EMC8: variants seen among roughly 807,000 people sequenced by gnomAD.
EMC8 encodes ER membrane protein complex subunit 8.
EMC8 carries 11 observed loss-of-function variants against 24.3 expected under a neutral mutation model. That is an observed-to-expected ratio of 0.45 (90% CI 0.28 to 0.75). The LOEUF is 0.75. Ranked by LOEUF, EMC8 falls within the 30% of genes least tolerant of loss-of-function variation. EMC8 has a pLI of 0.12. For synonymous variants in EMC8, 145 were observed against 117.7 expected (o/e 1.23, Z -1.50); for missense variants, 277 against 282.7 (o/e 0.98, Z 0.14).
chr16:85,794,710 T>C (rs1905174498), intron 1 of EMC8, among the ~76,000 whole-genome samples: 1 of 152,096 alleles, frequency 6.6e-6, no homozygotes, highest in African/African-American at 2.4e-5. Context: ...TATAAATAAC[T>C]ATTGCCTGGC....
At chr16:85,795,708 A>C (rs1905220877) in intron 1 of EMC8, among the ~76,000 whole-genome samples, 1 of 152,124 alleles carries the variant, frequency 6.6e-6, no homozygotes, top group Non-Finnish European at 1.5e-5. Flanking sequence ...CTGTATAATA[A>C]ACCCATAAAC....
chr16:85,786,029 CACT>C (rs946756380), intron 2 of EMC8, among the ~76,000 whole-genome samples: 6 of 152,288 alleles, frequency 3.9e-5, no homozygotes, highest in Admixed American at 3.3e-4. Context: ...AAGTTATAAA[CACT>C]ACGTTAGAAC....
At chr16:85,790,131 A>C (rs1006528881) in intron 1 of EMC8, among the ~76,000 whole-genome samples, 2 of 152,102 alleles carry the variant, frequency 1.3e-5, no homozygotes, top group Non-Finnish European at 2.9e-5. Context: ...GCACAAGAGG[A>C]AACAAAATTG....
At chr16:85,792,940 G>A (rs1264152279) in intron 1 of EMC8, 1 of 152,218 alleles carries the variant, frequency 6.6e-6, no homozygotes, top group Non-Finnish European at 1.5e-5. Context: ...ACTCTGTGGA[G>A]ACTGTTGTCA....
In EMC8 at chr16:85,781,614, C is replaced by CTTTT. The variant is rs10673082; in HGVS notation, c.309-338_309-335dup. 1.2e-3 allele frequency: 154 copies of CTTTT among 129,822 alleles called. 3 individuals are homozygous for CTTTT. The highest frequency in any genetic ancestry group is 4.6e-3 in the Middle Eastern group (1 of 216). The allele number at this position is 129,822 out of a possible 1,614,324, so 8.0% of individuals were successfully genotyped here. Reference sequence around the variant, plus strand: ...AGTTACTTTTTAGTGTTTTTTTTTGCTTTTTTTTTTTTTTTTTGGTAGAGA... The same window carrying CTTTT: ...AGTTACTTTTTAGTGTTTTTTTTTGCTTTTTTTTTTTTTTTTTTTTTGGTAGAGA... On this transcript the variant is annotated intron_variant, in intron 2 of 4. Transcript: ENST00000253457.
intron 1 of EMC8, among the ~76,000 whole-genome samples, chr16:85,792,087 G>C (rs1013681066): frequency 6.6e-6 from 1 of 152,130 alleles, no homozygotes; most frequent in African/African-American, 2.4e-5. Context: ...TCTCTTTCCT[G>C]GGCTGAAGCC....
At position 85,789,724 on chromosome 16, in the gene EMC8, G is replaced by T. The variant is rs563532788; in HGVS notation, c.232-674C>A. ...GGAGAATCACTTGAACCCCAGAGGGGGAGGTTGCAGTGAGCCAAGATCATG... is the reference window on the plus strand; with the variant it reads ...GGAGAATCACTTGAACCCCAGAGGGTGAGGTTGCAGTGAGCCAAGATCATG... On this transcript the variant is annotated intron_variant, in intron 1 of 4. Coordinates refer to ENST00000253457, the MANE Select transcript of EMC8 (RefSeq NM_006067.5). 5.9e-5 allele frequency among the ~76,000 whole-genome samples: 9 copies of T among 152,004 alleles called. No individual in the cohort carries two copies. In the South Asian group the frequency reaches 6.2e-4, roughly 11 times the overall value.
intron 2 of EMC8, among the ~76,000 whole-genome samples, chr16:85,784,024 A>G (rs192771567): frequency 2.1e-3 from 323 of 151,754 alleles, no homozygotes; most frequent in Non-Finnish European, 3.7e-3. Context: ...TTTGAGATGG[A>G]GTCTCACTCT....
At chr16:85,790,615 G>A (rs1597206234) in intron 1 of EMC8, among the ~76,000 whole-genome samples, 1 of 152,192 alleles carries the variant, frequency 6.6e-6, no homozygotes, top group Admixed American at 6.5e-5. Flanking sequence ...GTTCCCTGAT[G>A]AGCTGATCCT....
chr16:85,791,140 G>C (rs1448160592), intron 1 of EMC8, among the ~76,000 whole-genome samples: 2 of 151,586 alleles, frequency 1.3e-5, no homozygotes, highest in African/African-American at 2.4e-5. Flanking sequence ...TTTTTTTTAA[G>C]GCAAGAAATA....
intron 2 of EMC8, chr16:85,784,615 C>A (rs1904664695): frequency 6.6e-6 from 1 of 151,596 alleles, no homozygotes; most frequent in Non-Finnish European, 1.5e-5. Context: ...GCGATGGTGG[C>A]TCCTAGCGCA....
chr16:85,786,904 G>A (rs752865278), intron 2 of EMC8, among the ~76,000 whole-genome samples: 2 of 152,160 alleles, frequency 1.3e-5, no homozygotes, highest in Non-Finnish European at 2.9e-5. Context: ...CATGTGGGGC[G>A]ACCACATCAG....
At chr16:85,788,049 G>A (rs1904833628) in intron 2 of EMC8, among the ~76,000 whole-genome samples, 1 of 152,204 alleles carries the variant, frequency 6.6e-6, no homozygotes, top group Non-Finnish European at 1.5e-5. Context: ...GGCTCTATCT[G>A]ACAACATGAG....
At chr16:85,793,092 T>G (rs930434281) in intron 1 of EMC8, among the ~76,000 whole-genome samples, 1 of 152,224 alleles carries the variant, frequency 6.6e-6, no homozygotes, top group Non-Finnish European at 1.5e-5. Context: ...TTTGGCTGCT[T>G]CTGTTCCAGA....
intron 1 of EMC8, among the ~76,000 whole-genome samples, chr16:85,793,895 T>C (rs551320037): frequency 2.0e-5 from 3 of 152,256 alleles, no homozygotes; most frequent in South Asian, 2.1e-4. Context: ...AATAAGTTAA[T>C]AGGCGTAAGT....
chr16:85,789,201 C>G, intron 1 of EMC8, 151 bp from the exon 2 acceptor site: 2 of 637,128 alleles, frequency 3.1e-6, no homozygotes, highest in Non-Finnish European at 5.6e-6. Context: ...GGGTAGGACT[C>G]AGGAAAAAAT....
rs151084871 is a variant in EMC8, at chr16:85,779,840, T to C, written c.501A>G (p.Ala167=). ...HHDYCEDWPE[A]QRISASLLDS... is the part of the protein sequence containing the mutation. ...CCAGGAGCGAGGCTGAGATCCTCTG[T>C]GCCTCTGGCCAGTCTTCACAGTAGT... The change falls in exon 5 of 5, where the codon GCA becomes GCG. Residue 167 remains alanine (A), a synonymous_variant. Transcript: ENST00000253457. The C allele has an allele frequency of 3.1e-6, 5 of 1,614,022 alleles. No homozygotes were observed. The highest frequency in any genetic ancestry group is 4.2e-6 in the Non-Finnish European group (5 of 1,180,020).
At chr16:85,793,159 C>A (rs542520270) in intron 1 of EMC8, among the ~76,000 whole-genome samples, 2 of 152,192 alleles carry the variant, frequency 1.3e-5, no homozygotes, top group African/African-American at 2.4e-5. Flanking sequence ...CAACTAGACT[C>A]TTTGCACAGA....
intron 1 of EMC8, among the ~76,000 whole-genome samples, chr16:85,795,903 G>C (rs1211248173): frequency 1.3e-5 from 2 of 152,138 alleles, no homozygotes; most frequent in African/African-American, 4.8e-5. Context: ...AGAATGCGGA[G>C]ACACCTAGCT....
Sources: gnomAD v4.1 joint callset for allele counts (sites outside exome capture counted in the v4.1 genomes callset) on GRCh38, gnomAD v4.1.1 for gene constraint, MANE v1.5 for transcripts, NCBI Gene and HGNC (gene_info 2026-07-23, HGNC 2026-07-21) for gene names.